The following PCDH15 variants were observed in gnomAD, a reference collection of about 807,000 sequenced individuals.
PCDH15 encodes protocadherin related 15, also known as protocadherin-15.
PCDH15 carries 129 observed loss-of-function variants against 178.5 expected under a neutral mutation model. The observed-to-expected ratio is 0.72, with a 90% confidence interval of 0.63 to 0.84. The LOEUF is 0.84. Ranked by LOEUF, PCDH15 falls within the 40% of genes least tolerant of loss-of-function variation. The pLI is 0.00. For synonymous variants in PCDH15, 800 were observed against 732.0 expected, an observed-to-expected ratio of 1.09 and a Z score of -1.50; for missense variants, 2,230 against 2,099.9, an observed-to-expected ratio of 1.06 and a Z score of -1.21.
intron 1 of PCDH15, among the ~76,000 whole-genome samples, chr10:55,180,253 T>A (rs1444660): frequency 6.6e-6 from 1 of 151,902 alleles, no homozygotes; most frequent in South Asian, 2.1e-4. Context: ...ATCTGATAAT[T>A]TGTAAATAAT....
chr10:55,217,258 G>A (rs1211388516), intron 1 of PCDH15, among the ~76,000 whole-genome samples: 3 of 151,738 alleles, frequency 2.0e-5, no homozygotes, highest in East Asian at 1.9e-4. Flanking sequence ...CTTACTCACC[G>A]AAAACATATC....
intron 1 of PCDH15, among the ~76,000 whole-genome samples, chr10:55,245,323 G>A (rs66495310): frequency 0.12 from 18,228 of 151,920 alleles, 1,181 homozygotes; most frequent in East Asian, 0.29. Context: ...ATGTGAAAGT[G>A]GTAGAGATGG....
At chr10:54,242,128 TTTTATATA>T (rs1273567328) in intron 8 of PCDH15, among the ~76,000 whole-genome samples, 1,183 of 61,932 alleles carry the variant, frequency 0.019, 108 homozygotes, top group Middle Eastern at 0.035. Flanking sequence ...TGAATTCTAT[TTTTATATA>T]TATATATATA....
At chr10:55,148,941 T>C (rs1013260655) in intron 2 of PCDH15, among the ~76,000 whole-genome samples, 1 of 150,930 alleles carries the variant, frequency 6.6e-6, no homozygotes, top group Non-Finnish European at 1.5e-5. Flanking sequence ...CAAATACTGA[T>C]TACATCTTAG....
chr10:54,705,449 G>A (rs1207425220), intron 1 of PCDH15, among the ~76,000 whole-genome samples: 2 of 152,206 alleles, frequency 1.3e-5, no homozygotes, highest in South Asian at 2.1e-4. Flanking sequence ...TCCATCACTT[G>A]TTAGATATGC....
At chr10:54,922,402 A>G (rs768645552) in intron 2 of PCDH15, among the ~76,000 whole-genome samples, 2 of 152,170 alleles carry the variant, frequency 1.3e-5, no homozygotes, top group African/African-American at 2.4e-5. Context: ...TATAGGCCCT[A>G]TGCAATTCCA....
At chr10:54,228,457 T>C (rs554889525) in intron 9 of PCDH15, among the ~76,000 whole-genome samples, 2 of 151,938 alleles carry the variant, frequency 1.3e-5, no homozygotes, top group Non-Finnish European at 1.5e-5. Flanking sequence ...CCACAACACA[T>C]AGGAATTCAA....
chr10:54,950,395 T>C (rs555964467), intron 2 of PCDH15, among the ~76,000 whole-genome samples: 1 of 152,092 alleles, frequency 6.6e-6, no homozygotes, highest in South Asian at 2.1e-4. Context: ...GGGTCTTTCC[T>C]GAGCTGTTCT....
At chr10:55,490,364 T>C (rs558751601) in intron 2 of PCDH15, among the ~76,000 whole-genome samples, 1 of 151,730 alleles carries the variant, frequency 6.6e-6, no homozygotes, top group Admixed American at 6.6e-5. Flanking sequence ...GAGTCTATGG[T>C]TGAGTAACAA....
In PCDH15 at chr10:53,803,701, T is replaced by C. The variant is rs1025282624; in HGVS notation, c.*2878A>G. Reference sequence around the variant, plus strand: ...TGGTCATTAAGTCACAAATGTCCTATGTCACTCTGACCATATTTTCTCATT... The same window carrying C: ...TGGTCATTAAGTCACAAATGTCCTACGTCACTCTGACCATATTTTCTCATT... On this transcript the variant is annotated 3_prime_UTR_variant, in exon 38 of 38. Coordinates refer to ENST00000644397, the MANE Select transcript of PCDH15 (RefSeq NM_001384140.1). 1.3e-5 allele frequency: 2 copies of C among 151,954 alleles called. No individual in the cohort carries two copies. The highest frequency in any genetic ancestry group is 2.9e-5 in the Non-Finnish European group (2 of 67,880). The allele number at this position is 151,954 out of a possible 1,614,324, so 9.4% of individuals were successfully genotyped here.
intron 1 of PCDH15, among the ~76,000 whole-genome samples, chr10:54,730,754 C>T (rs58562677): frequency 0.12 from 18,430 of 151,056 alleles, 1,251 homozygotes; most frequent in African/African-American, 0.17. Context: ...ATACAAAAAT[C>T]AAATAAAAAT....
rs779167301 is a variant in PCDH15, at chr10:53,903,332, T to A, written c.3412A>T (p.Asn1138Tyr). The change falls in exon 26 of 38, where the codon AAT (asparagine) becomes TAT (tyrosine). Residue 1138 changes from asparagine to tyrosine, a missense_variant. Asn to Tyr is a moderately radical substitution (Grantham distance 143). Transcript: ENST00000644397. ...TTCTGAAACACTGGGGGATGATTATTTTCATCCTGAATCTCAATGTATACT... is the reference window on the plus strand; with the variant it reads ...TTCTGAAACACTGGGGGATGATTATATTCATCCTGAATCTCAATGTATACT... ...AKVYIEIQDE[N>Y]NHPPVFQKKF... 1 of 1,612,924 alleles carries A rather than the reference T, an allele frequency of 6.2e-7. No homozygotes were observed. Among genetic ancestry groups the A allele is most frequent in the Non-Finnish European group, 8.5e-7 (1 of 1,179,260 alleles).
intron 2 of PCDH15, among the ~76,000 whole-genome samples, chr10:54,588,589 T>C (rs959904978): frequency 1.3e-5 from 2 of 152,224 alleles, no homozygotes; most frequent in Admixed American, 6.5e-5. Flanking sequence ...GTTGTTATTG[T>C]TTTCTTGAGA....
intron 3 of PCDH15, among the ~76,000 whole-genome samples, chr10:54,897,051 G>T (rs567006657): frequency 6.6e-6 from 1 of 152,220 alleles, no homozygotes; most frequent in East Asian, 1.9e-4. Context: ...CTTTCCCATG[G>T]TCTTGCTCCT....
intron 17 of PCDH15, among the ~76,000 whole-genome samples, chr10:54,071,929 C>T (rs2094251441): frequency 1.3e-5 from 2 of 151,938 alleles, no homozygotes; most frequent in Admixed American, 6.6e-5. Flanking sequence ...AACGTGTTTA[C>T]TAATAGAACA....
At chr10:54,493,073 G>A (rs553684584) in intron 3 of PCDH15, among the ~76,000 whole-genome samples, 1 of 152,248 alleles carries the variant, frequency 6.6e-6, no homozygotes, top group South Asian at 2.1e-4. Flanking sequence ...AACAGCACCA[G>A]AAAGACTTGC....
chr10:54,526,266 C>T (rs887631853), intron 3 of PCDH15, among the ~76,000 whole-genome samples: 3 of 152,146 alleles, frequency 2.0e-5, no homozygotes, highest in African/African-American at 7.2e-5. Context: ...CAGAATCACA[C>T]ATTAAAACAA....
At chr10:55,118,460 A>G (rs938402319) in intron 2 of PCDH15, among the ~76,000 whole-genome samples, 2 of 152,130 alleles carry the variant, frequency 1.3e-5, no homozygotes, top group Admixed American at 6.6e-5. Context: ...CCTTACAATG[A>G]CTTTCAACTT....
At chr10:54,797,241 T>A (rs1445387284) in intron 1 of PCDH15, among the ~76,000 whole-genome samples, 2 of 152,034 alleles carry the variant, frequency 1.3e-5, no homozygotes, top group Non-Finnish European at 2.9e-5. Flanking sequence ...TCCTATCAAT[T>A]TCTTATCCAT....
Sources: allele counts gnomAD v4.1 joint callset (sites outside exome capture counted in the v4.1 genomes callset), GRCh38; gene constraint gnomAD v4.1.1; transcripts MANE v1.5; gene names NCBI Gene and HGNC (gene_info 2026-07-23, HGNC 2026-07-21).